SHROOM2: variants seen among roughly 807,000 people sequenced by gnomAD.
The protein encoded by SHROOM2 is shroom family member 2, also known as protein Shroom2.
In SHROOM2, 33 loss-of-function variants were observed where a neutral mutation model predicts 75.9. The ratio of observed to expected loss-of-function variants is 0.43; its 90% CI spans 0.33 to 0.58. The LOEUF is 0.58. Ranked by LOEUF, SHROOM2 falls within the 20% of genes least tolerant of loss-of-function variation. The pLI is 0.04. For synonymous variants in SHROOM2, 655 were observed against 663.6 expected, an observed-to-expected ratio of 0.99 and a Z score of 0.20; for missense variants, 1,434 against 1,461.2, an observed-to-expected ratio of 0.98 and a Z score of 0.30.
chrX:9,941,431 C>A (rs1296994563), intron 8 of SHROOM2, among the ~76,000 whole-genome samples: 1 of 112,405 alleles, frequency 8.9e-6, no homozygotes, highest in Non-Finnish European at 1.9e-5. Flanking sequence ...CTGTCCCAGG[C>A]CAGGTCTTGT....
intron 2 of SHROOM2, among the ~76,000 whole-genome samples, chrX:9,876,749 A>G (rs1272227526): frequency 1.8e-5 from 2 of 112,711 alleles, no homozygotes; most frequent in African/African-American, 6.4e-5. Flanking sequence ...CCCCATCTGC[A>G]AAAATGTGAT....
chrX:9,882,020 A>G (rs188507714), intron 2 of SHROOM2, among the ~76,000 whole-genome samples: 12 of 111,716 alleles, frequency 1.1e-4, no homozygotes, highest in African/African-American at 3.6e-4. Flanking sequence ...CTAGGTGGGG[A>G]TATTGTTTGC....
At chrX:9,839,271 G>A (rs1416296175) in intron 1 of SHROOM2, among the ~76,000 whole-genome samples, 1 of 110,517 alleles carries the variant, frequency 9.0e-6, no homozygotes. Context: ...GAGGCAGCAG[G>A]GCAGAGACGC....
At chrX:9,861,067 G>A (rs1355762546) in intron 1 of SHROOM2, among the ~76,000 whole-genome samples, 3 of 112,341 alleles carry the variant, frequency 2.7e-5, no homozygotes, top group African/African-American at 9.7e-5. Context: ...GGTTTTGCAA[G>A]TTCTAGAGAT....
intron 1 of SHROOM2, among the ~76,000 whole-genome samples, chrX:9,860,380 A>G (rs1355516573): frequency 8.9e-6 from 1 of 111,899 alleles, no homozygotes. Flanking sequence ...CTTGTGGTTA[A>G]CATACATGCA....
Position 9,792,444 on chromosome X carries a change from G to A in SHROOM2, c.165+5734G>A, listed in dbSNP as rs933949452. ...TCCCCAGATAAGGAGCCCCTGGGCTGTTTTTTTGTGTTGTTTTTTTTTTTG... is the reference window on the plus strand; with the variant it reads ...TCCCCAGATAAGGAGCCCCTGGGCTATTTTTTTGTGTTGTTTTTTTTTTTG... On this transcript the variant is annotated intron_variant, in intron 1 of 9. Transcript: ENST00000380913. 6.9e-5 allele frequency among the ~76,000 whole-genome samples: 5 copies of A among 71,999 alleles called. No individual in the cohort carries two copies. In the East Asian group the frequency reaches 2.0e-3, roughly 29 times the overall value. The allele number at this position is 71,999 out of a possible 115,157, so 62.5% of individuals were successfully genotyped here.
At position 9,895,009 on chromosome X, in the gene SHROOM2, T is replaced by C; in HGVS notation, c.1101T>C (p.Asp367=). Residue 367 remains aspartate (D), a synonymous_variant, in exon 4 of 10, where the codon GAT becomes GAC. Coordinates refer to ENST00000380913, the MANE Select transcript of SHROOM2 (RefSeq NM_001649.4). The part of the protein sequence containing the change: ...PRGDRRPELT[D]RPWRSAHPGS... ...GTGACCGGAGACCAGAGCTCACCGA[T>C]CGGCCTTGGAGGTCAGCACACCCGG... The C allele has an allele frequency of 8.3e-7, 1 of 1,209,320 alleles. No individual in the cohort carries two copies. The highest frequency in any genetic ancestry group is 3.0e-5 in the East Asian group (1 of 33,710).
At chrX:9,868,585 C>T (rs1310763370) in intron 1 of SHROOM2, among the ~76,000 whole-genome samples, 1 of 109,677 alleles carries the variant, frequency 9.1e-6, no homozygotes, top group African/African-American at 3.3e-5. Context: ...GCTCTGTCAC[C>T]CAGGCTAGAG....
At chrX:9,856,242 A>G (rs780242000) in intron 1 of SHROOM2, among the ~76,000 whole-genome samples, 22 of 110,759 alleles carry the variant, frequency 2.0e-4, no homozygotes, top group African/African-American at 6.6e-4. Flanking sequence ...ACAAGAGTTC[A>G]GCATGGAGAA....
intron 1 of SHROOM2, among the ~76,000 whole-genome samples, chrX:9,832,110 G>C (rs992792724): frequency 1.8e-5 from 2 of 112,045 alleles, no homozygotes; most frequent in Non-Finnish European, 3.8e-5. Flanking sequence ...TTCTTCTTTC[G>C]TGTGTTCTCT....
At chrX:9,873,538 C>A in intron 1 of SHROOM2, 114 bp from the exon 2 acceptor site, 1 of 881,542 alleles carries the variant, frequency 1.1e-6, no homozygotes, top group East Asian at 3.1e-5. Context: ...TAAGGTCAGC[C>A]CCCAGGGCCC....
intron 5 of SHROOM2, among the ~76,000 whole-genome samples, chrX:9,926,573 G>A (rs759177233): frequency 1.8e-5 from 2 of 111,085 alleles, no homozygotes; most frequent in Non-Finnish European, 3.8e-5. Flanking sequence ...TTTCACTGTT[G>A]AGTGCTTATA....
chrX:9,857,049 C>T (rs754022263), intron 1 of SHROOM2, among the ~76,000 whole-genome samples: 1 of 112,082 alleles, frequency 8.9e-6, no homozygotes, highest in African/African-American at 3.2e-5. Flanking sequence ...CCAAAAGGTG[C>T]GGTCTTCCTG....
At chrX:9,928,454 G>A (rs192298884) in intron 5 of SHROOM2, among the ~76,000 whole-genome samples, 135 of 112,662 alleles carry the variant, frequency 1.2e-3, no homozygotes, top group African/African-American at 4.1e-3. Flanking sequence ...TTAGTGCCTT[G>A]CTTACTCTAT....
chrX:9,943,823 A>G (rs1261741213), intron 8 of SHROOM2, among the ~76,000 whole-genome samples: 1 of 111,593 alleles, frequency 9.0e-6, no homozygotes, highest in Non-Finnish European at 1.9e-5. Flanking sequence ...ATTGGTCTTA[A>G]TTTTTATATG....
intron 1 of SHROOM2, among the ~76,000 whole-genome samples, chrX:9,847,914 T>C (rs986206929): frequency 8.9e-6 from 1 of 111,876 alleles, no homozygotes; most frequent in Non-Finnish European, 1.9e-5. Context: ...GCTTTCATCC[T>C]TTGCATCTGT....
rs765627674 is a variant in SHROOM2 at position 9,817,277 on chromosome X, T to A, written c.165+30567T>A. On this transcript the variant is annotated intron_variant, in intron 1 of 9. Coordinates refer to ENST00000380913, the MANE Select transcript of SHROOM2 (RefSeq NM_001649.4). ...TGTGAGCCACCACACCCAACCTCCC[T>A]CTAACTTTTTTTTTTTTTTTCAGTA... Among the ~76,000 whole-genome samples, 217 of 65,900 alleles carry A rather than the reference T, an allele frequency of 3.3e-3. 1 individual carries two copies. The highest frequency in any genetic ancestry group is 0.011 in the African/African-American group (212 of 19,991). 57.2% of individuals were successfully genotyped at this position (65,900 alleles called of 115,157 possible).
At chrX:9,868,566 C>T (rs1008857540) in intron 1 of SHROOM2, among the ~76,000 whole-genome samples, 1 of 108,257 alleles carries the variant, frequency 9.2e-6, no homozygotes, top group Non-Finnish European at 1.9e-5. Flanking sequence ...TTTTTTGAGA[C>T]AGGGTCTCGC....
rs865791837 is a variant in SHROOM2 at position 9,894,574 on chromosome X, C to T, written c.666C>T (p.His222=). 3 of 1,210,287 alleles carry T rather than the reference C, an allele frequency of 2.5e-6. No individual in the cohort carries two copies. The highest frequency in any genetic ancestry group is 3.0e-5 in the East Asian group (1 of 33,740). Residue 222 remains histidine, a synonymous_variant, in exon 4 of 10, where the codon CAC becomes CAT. Transcript: ENST00000380913. Reference sequence around the variant, plus strand: ...CCACCAGCTCTAGCACTCCTGACCACACCTTGTCCAAAGCCGACACGTCCT... The same window carrying T: ...CCACCAGCTCTAGCACTCCTGACCATACCTTGTCCAAAGCCGACACGTCCT... ...SFSTSSSTPD[H]TLSKADTSSA...
Sources: gnomAD v4.1 joint callset for allele counts (sites outside exome capture counted in the v4.1 genomes callset) on GRCh38, gnomAD v4.1.1 for gene constraint, MANE v1.5 for transcripts, NCBI Gene and HGNC (gene_info 2026-07-23, HGNC 2026-07-21) for gene names.